Variants in CDC5L observed in about 807,000 individuals in gnomAD.
The protein encoded by CDC5L is cell division cycle 5 like, also known as cell division cycle 5-like protein.
Under a neutral mutation model 104.1 loss-of-function variants are expected in CDC5L, and 18 were observed. The observed-to-expected ratio is 0.17, with a 90% confidence interval of 0.12 to 0.26. The LOEUF (loss-of-function observed/expected upper bound fraction) is 0.26, where lower values mean the gene tolerates loss of function less well. Ranked by LOEUF, CDC5L falls within the 10% of genes least tolerant of loss-of-function variation. CDC5L has a pLI of 1.00. For synonymous variants in CDC5L, 331 were observed against 322.7 expected (o/e 1.03, Z -0.28); for missense variants, 673 against 956.9 (o/e 0.70, Z 3.91).
chr6:44,406,474 T>C lies in CDC5L; in HGVS notation c.903+7T>C. 1 of 1,597,230 alleles carries C rather than the reference T, an allele frequency of 6.3e-7. No individual in the cohort carries two copies. Among genetic ancestry groups the C allele is most frequent in the South Asian group, 1.2e-5 (1 of 86,644 alleles). On this transcript the variant is annotated splice_region_variant and intron_variant, in intron 7 of 15. Coordinates refer to ENST00000371477, the MANE Select transcript of CDC5L (RefSeq NM_001253.4). The stretch of plus-strand genomic sequence containing the variant: ...AGTACTTCCTGCCCCTCAGGTAATC[T>C]GATAAAAGCAAATTTTTCACTATGT...
intron 8 of CDC5L, among the ~76,000 whole-genome samples, chr6:44,411,635 A>T (rs200250457): frequency 0.26 from 31,126 of 121,172 alleles, 3,808 homozygotes; most frequent in African/African-American, 0.33. Flanking sequence ...AGAGAGAGAG[A>T]GAGTGTGTGT....
At chr6:44,400,244 A>G (rs1256862889) in intron 5 of CDC5L, among the ~76,000 whole-genome samples, 2 of 152,108 alleles carry the variant, frequency 1.3e-5, no homozygotes, top group East Asian at 1.9e-4. Flanking sequence ...TTTCTAGCAT[A>G]TGGGTCATTC....
At chr6:44,442,095 C>G (rs1467584139) in intron 14 of CDC5L, among the ~76,000 whole-genome samples, 1 of 151,876 alleles carries the variant, frequency 6.6e-6, no homozygotes, top group Admixed American at 6.6e-5. Flanking sequence ...CGCTACCATG[C>G]CCGGCTAATT....
At chr6:44,394,855 CAAAAAAAAAAAAAAAAAA>C (rs60864045) in intron 4 of CDC5L, among the ~76,000 whole-genome samples, 1 of 59,064 alleles carries the variant, frequency 1.7e-5, no homozygotes, top group Non-Finnish European at 3.0e-5. Context: ...GACCCTGTCT[CAAAAAAAAAAAAAAAAAA>C]AAAAAAAAAA....
At chr6:44,392,095 TAA>T (rs1790650377) in intron 2 of CDC5L, among the ~76,000 whole-genome samples, 1 of 152,220 alleles carries the variant, frequency 6.6e-6, no homozygotes. Context: ...TGGTAGGACT[TAA>T]GTCCTGTTTG....
rs1365573539 is a variant in CDC5L at position 44,426,729 on chromosome 6, G to C, written c.1893+5G>C. 1.9e-6 allele frequency: 3 copies of C among 1,611,250 alleles called. No individual in the cohort carries two copies. The highest frequency in any genetic ancestry group is 2.5e-6 in the Non-Finnish European group (3 of 1,178,734). ...TCCAAAGAAGAGCTGAAAAAGGTAT[G>C]ATTGAGCTGGAATATTTCTTCTTGA... On this transcript the variant is annotated splice_donor_5th_base_variant and intron_variant, in intron 13 of 15. Coordinates refer to ENST00000371477, the MANE Select transcript of CDC5L (RefSeq NM_001253.4).
At position 44,392,713 on chromosome 6, in the gene CDC5L, G is replaced by A. The variant is rs1167852802; in HGVS notation, c.196G>A (p.Glu66Lys). The change falls in exon 3 of 16, where the codon GAA becomes AAA. Residue 66 changes from glutamate (E) to lysine (K), a missense_variant. Glu to Lys is a moderately conservative substitution (Grantham distance 56). This residue lies in a region of CDC5L where 74 missense variants were observed against 123.5 expected (regional missense o/e 0.60). Coordinates refer to ENST00000371477, the MANE Select transcript of CDC5L (RefSeq NM_001253.4). ...PSIKKTEWSR[E>K]EEEKLLHLAK... The stretch of plus-strand genomic sequence containing the variant: ...CATTAAGAAGACAGAATGGTCCAGA[G>A]AAGAAGAGGAAAAACTCTTGCACTT... 6.2e-7 allele frequency: 1 copy of A among 1,614,128 alleles called. No homozygotes were observed. The highest frequency in any genetic ancestry group is 1.1e-5 in the South Asian group (1 of 91,078).
At chr6:44,428,222 AG>A (rs1251296538) in intron 13 of CDC5L, among the ~76,000 whole-genome samples, 1 of 152,176 alleles carries the variant, frequency 6.6e-6, no homozygotes, top group Non-Finnish European at 1.5e-5. Flanking sequence ...ATATACTTTA[AG>A]ATATGTTAAC....
At chr6:44,407,177 G>GTGT (rs1791408474) in intron 7 of CDC5L, among the ~76,000 whole-genome samples, 1 of 152,122 alleles carries the variant, frequency 6.6e-6, no homozygotes, top group South Asian at 2.1e-4. Flanking sequence ...ATGTTTTGTT[G>GTGT]TGTTATGCTT....
At chr6:44,419,157 T>C (rs1229190460) in intron 8 of CDC5L, among the ~76,000 whole-genome samples, 1 of 152,152 alleles carries the variant, frequency 6.6e-6, no homozygotes, top group Admixed American at 6.5e-5. Context: ...CTTTAATCCA[T>C]CTTGAATTAA....
chr6:44,404,151 A>G (rs1480686902), intron 6 of CDC5L, 124 bp downstream of exon 6: 1 of 634,816 alleles, frequency 1.6e-6, no homozygotes. Context: ...TTTTAAAATC[A>G]ATTTTTTTTT....
Position 44,390,388 on chromosome 6 carries a change from T to C in CDC5L, c.149+17T>C. On this transcript the variant is annotated intron_variant, in intron 2 of 15. Transcript: ENST00000371477. The stretch of plus-strand genomic sequence containing the variant: ...AGCCAGATGGTATGTATCAGTTTAA[T>C]AAGTGGAAAACAGAAAAGGAGCTTA... The C allele has an allele frequency of 6.7e-7, 1 of 1,495,998 alleles. No individual in the cohort carries two copies. Among genetic ancestry groups the C allele is most frequent in the Non-Finnish European group, 9.3e-7 (1 of 1,079,602 alleles). 92.7% of individuals were successfully genotyped at this position (1,495,998 alleles called of 1,614,324 possible).
intron 13 of CDC5L, among the ~76,000 whole-genome samples, chr6:44,428,364 G>A (rs11572031): frequency 0.046 from 7,034 of 152,060 alleles, 222 homozygotes; most frequent in Non-Finnish European, 0.072. Context: ...AGATTTTGAT[G>A]TGTTTATTTT....
intron 14 of CDC5L, chr6:44,435,560 A>C (rs1215018985): frequency 6.5e-6 from 1 of 153,718 alleles, no homozygotes; most frequent in Admixed American, 6.6e-5. Context: ...GCATGTTTGC[A>C]TTTCAGGGGG....
At chr6:44,431,175 A>C (rs558981147) in intron 14 of CDC5L, among the ~76,000 whole-genome samples, 1 of 152,334 alleles carries the variant, frequency 6.6e-6, no homozygotes, top group South Asian at 2.1e-4. Context: ...GATCACATAT[A>C]TATAGGTAGC....
chr6:44,388,829 A>C (rs1790471975), intron 1 of CDC5L, among the ~76,000 whole-genome samples: 1 of 152,026 alleles, frequency 6.6e-6, no homozygotes, highest in Non-Finnish European at 1.5e-5. Flanking sequence ...CGTTTGTTAA[A>C]ACTTGCTTTG....
At chr6:44,437,191 T>A (rs1792977945) in intron 14 of CDC5L, among the ~76,000 whole-genome samples, 1 of 152,202 alleles carries the variant, frequency 6.6e-6, no homozygotes, top group Non-Finnish European at 1.5e-5. Context: ...CTGGGCTGAT[T>A]TAAGCTAGTC....
chr6:44,389,917 T>C (rs971598747), intron 1 of CDC5L, among the ~76,000 whole-genome samples: 14 of 152,198 alleles, frequency 9.2e-5, no homozygotes, highest in Admixed American at 2.0e-4. Flanking sequence ...TTGTGTTTTT[T>C]AGTTATCCTT....
intron 14 of CDC5L, among the ~76,000 whole-genome samples, chr6:44,439,279 T>A (rs1336084561): frequency 1.3e-5 from 2 of 152,230 alleles, no homozygotes; most frequent in Non-Finnish European, 2.9e-5. Context: ...GGGTTGCTTC[T>A]ACTTTTACCT....
Sources: gnomAD v4.1 joint callset for allele counts (sites outside exome capture counted in the v4.1 genomes callset) on GRCh38, gnomAD v4.1.1 for gene constraint, gnomAD v4.1.1 regional missense constraint, MANE v1.5 for transcripts, NCBI Gene and HGNC (gene_info 2026-07-23, HGNC 2026-07-21) for gene names.